The following KCNMB2 variants were observed in gnomAD, a reference collection of about 807,000 sequenced individuals.
KCNMB2 encodes calcium-activated potassium channel subunit beta-2.
KCNMB2 carries 9 observed loss-of-function variants against 24.5 expected under a neutral mutation model. The ratio of observed to expected loss-of-function variants is 0.37; its 90% CI spans 0.22 to 0.64. KCNMB2 has a LOEUF of 0.64. KCNMB2 is among the 30% of genes least tolerant of loss of function. The pLI, the probability that KCNMB2 is intolerant of heterozygous loss-of-function variation, is 0.63. For synonymous variants in KCNMB2, 109 were observed against 104.4 expected, an observed-to-expected ratio of 1.04 and a Z score of -0.27; for missense variants, 226 against 284.3, an observed-to-expected ratio of 0.79 and a Z score of 1.47.
chr3:178,585,348 A>G (rs1717389291), intron 1 of KCNMB2, among the ~76,000 whole-genome samples: 2 of 152,186 alleles, frequency 1.3e-5, no homozygotes, highest in Admixed American at 6.5e-5. Context: ...TTGTGTTCCT[A>G]CAGAGCCAAT....
chr3:178,700,437 A>T (rs1459365958), intron 1 of KCNMB2, among the ~76,000 whole-genome samples: 1 of 152,228 alleles, frequency 6.6e-6, no homozygotes. Context: ...CTTACCAGGG[A>T]GGTAAATTAA....
chr3:178,598,816 T>C (rs1429697831), intron 1 of KCNMB2, among the ~76,000 whole-genome samples: 1 of 152,128 alleles, frequency 6.6e-6, no homozygotes, highest in Non-Finnish European at 1.5e-5. Flanking sequence ...ATGTGTCATA[T>C]TAAGAGGTGT....
In KCNMB2 at chr3:178,627,313, T is replaced by C. The variant is rs1412949067; in HGVS notation, c.-68+90602T>C. Among the ~76,000 whole-genome samples the C allele has an allele frequency of 4.6e-5, 7 of 152,198 alleles. No individual in the cohort carries two copies. The East Asian group carries it at 1.2e-3, about 25-fold the overall frequency. On this transcript the variant is annotated intron_variant, in intron 1 of 4. Transcript: ENST00000452583. ...AAGACTAATTTATACTGTTATTCCA[T>C]AATTTTGCCTTTGAAACAAGAATTT...
chr3:178,806,782 G>C (rs1713989091), intron 1 of KCNMB2, among the ~76,000 whole-genome samples: 1 of 152,006 alleles, frequency 6.6e-6, no homozygotes, highest in South Asian at 2.1e-4. Context: ...AGAAGCCAGT[G>C]AGTATCAGCT....
Position 178,807,350 on chromosome 3 carries a change from TGCCA to T in KCNMB2, c.-59_-56del. ...ATTGTGTACCTCTTCTAGGTCTTTT[TGCCA>T]TTCCTCCAGGACATCCACCATAAGG... On this transcript the variant is annotated 5_prime_UTR_variant, in exon 2 of 5. Coordinates refer to ENST00000452583, the MANE Select transcript of KCNMB2 (RefSeq NM_181361.3). 1.4e-6 allele frequency: 2 copies of T among 1,430,352 alleles called. No homozygotes were observed. The highest frequency in any genetic ancestry group is 1.4e-5 in the African/African-American group (1 of 71,016). The allele number at this position is 1,430,352 out of a possible 1,614,324, so 88.6% of individuals were successfully genotyped here. A position where few individuals can be genotyped will look rare whatever the true frequency, so the allele number is the denominator to read the frequency against.
In KCNMB2 at chr3:178,602,920, G is replaced by A. The variant is rs141037316; in HGVS notation, c.-68+66209G>A. ...GGACCACATACTGAGAACCACTAAT[G>A]TAGAGAATATATTGGAGTTAGAGAT... On this transcript the variant is annotated intron_variant, in intron 1 of 4. Transcript: ENST00000452583. 5.9e-5 allele frequency among the ~76,000 whole-genome samples: 9 copies of A among 152,276 alleles called. No homozygotes were observed. The East Asian group carries it at 1.5e-3, about 26-fold the overall frequency.
At chr3:178,792,689 T>A (rs1197599523) in intron 1 of KCNMB2, among the ~76,000 whole-genome samples, 1 of 152,136 alleles carries the variant, frequency 6.6e-6, no homozygotes, top group African/African-American at 2.4e-5. Context: ...ACTTCACCTA[T>A]ATATACACAT....
chr3:178,546,719 A>C (rs1715786347), intron 1 of KCNMB2, among the ~76,000 whole-genome samples: 1 of 152,252 alleles, frequency 6.6e-6, no homozygotes, highest in Non-Finnish European at 1.5e-5. Context: ...TACAGGTCAC[A>C]CGAATGAGTT....
intron 4 of KCNMB2, among the ~76,000 whole-genome samples, chr3:178,830,937 A>C (rs1192406705): frequency 6.6e-6 from 1 of 152,126 alleles, no homozygotes; most frequent in Non-Finnish European, 1.5e-5. Context: ...GATTTTGTCA[A>C]TCTTTTTCTT....
intron 1 of KCNMB2, among the ~76,000 whole-genome samples, chr3:178,540,392 C>T (rs1034540002): frequency 1.3e-5 from 2 of 152,184 alleles, no homozygotes; most frequent in Non-Finnish European, 2.9e-5. Context: ...ATTCTCTACC[C>T]AACACTGGTG....
chr3:178,715,016 C>T (rs1722573839), intron 1 of KCNMB2, among the ~76,000 whole-genome samples: 1 of 152,144 alleles, frequency 6.6e-6, no homozygotes, highest in South Asian at 2.1e-4. Context: ...AATATCTGAC[C>T]ACTTTGTTTA....
In KCNMB2 at chr3:178,698,696, AT is replaced by A. The variant is rs567341506; in HGVS notation, c.-67-108641del. ...GTTTGGATGAAAGAAAGCACTCTGCATTTTTTAGTTTTCAGACTTCTTGTGC... is the reference window on the plus strand; with the variant it reads ...GTTTGGATGAAAGAAAGCACTCTGCATTTTTAGTTTTCAGACTTCTTGTGC... On this transcript the variant is annotated intron_variant, in intron 1 of 4. Transcript: ENST00000452583. 2.2e-4 allele frequency among the ~76,000 whole-genome samples: 34 copies of A among 152,314 alleles called. No individual in the cohort carries two copies. The East Asian group carries it at 6.4e-3, about 29-fold the overall frequency.
chr3:178,611,497 G>T (rs1296306296), intron 1 of KCNMB2, among the ~76,000 whole-genome samples: 4 of 152,154 alleles, frequency 2.6e-5, no homozygotes, highest in Non-Finnish European at 5.9e-5. Flanking sequence ...AAGGTCAGGA[G>T]ATCAAGACCA....
intron 1 of KCNMB2, among the ~76,000 whole-genome samples, chr3:178,691,235 A>G (rs1198267821): frequency 1.4e-5 from 2 of 147,884 alleles, no homozygotes; most frequent in Admixed American, 6.8e-5. Flanking sequence ...GGTGTGAGCC[A>G]CACCTGGCTT....
chr3:178,713,032 C>T (rs1401628403), intron 1 of KCNMB2, among the ~76,000 whole-genome samples: 1 of 152,188 alleles, frequency 6.6e-6, no homozygotes, highest in African/African-American at 2.4e-5. Flanking sequence ...GCTACATATA[C>T]ATACACATTT....
In KCNMB2 at chr3:178,842,902, C is replaced by A; in HGVS notation, c.673C>A (p.Leu225Ile). 3 of 1,613,752 alleles carry A rather than the reference C, an allele frequency of 1.9e-6. No homozygotes were observed. The highest frequency in any genetic ancestry group is 2.5e-6 in the Non-Finnish European group (3 of 1,179,776). The change falls in exon 5 of 5, where the codon CTA becomes ATA. Residue 225 changes from leucine to isoleucine, a missense_variant. Leu to Ile is a conservative substitution (Grantham distance 5). Coordinates refer to ENST00000452583, the MANE Select transcript of KCNMB2 (RefSeq NM_181361.3). Reference protein sequence around the residue: ...AMVKLTQYLSLLCERIQRINR With the variant: ...AMVKLTQYLSILCERIQRINR Reference sequence around the variant, plus strand: ...GGTGAAACTTACACAGTACCTCTCCCTACTATGTGAGAGGATCCAACGGAT... The same window carrying A: ...GGTGAAACTTACACAGTACCTCTCCATACTATGTGAGAGGATCCAACGGAT...
intron 1 of KCNMB2, among the ~76,000 whole-genome samples, chr3:178,571,407 G>T (rs1716775106): frequency 7.1e-6 from 1 of 139,978 alleles, no homozygotes. Flanking sequence ...AGGAATATTT[G>T]TAGGTAAGGC....
chr3:178,537,722 A>C lies in KCNMB2; in HGVS notation c.-68+1011A>C, dbSNP rs556749598. 1.4e-4 allele frequency among the ~76,000 whole-genome samples: 21 copies of C among 152,300 alleles called. No individual in the cohort carries two copies. The South Asian group carries it at 3.9e-3, about 29-fold the overall frequency. ...TATGGTGCAAATTTCAGTCTTTGTC[A>C]TTGCATATGACCCTCAATGTGAAGT... On this transcript the variant is annotated intron_variant, in intron 1 of 4. Coordinates refer to ENST00000452583, the MANE Select transcript of KCNMB2 (RefSeq NM_181361.3).
intron 2 of KCNMB2, among the ~76,000 whole-genome samples, chr3:178,816,100 A>G (rs959722883): frequency 1.7e-4 from 26 of 151,924 alleles, no homozygotes; most frequent in African/African-American, 6.3e-4. Context: ...CAGTTTAGCT[A>G]TAAATCATCA....
Sources: allele counts gnomAD v4.1 joint callset (sites outside exome capture counted in the v4.1 genomes callset), GRCh38; gene constraint gnomAD v4.1.1; transcripts MANE v1.5; gene names NCBI Gene and HGNC (gene_info 2026-07-23, HGNC 2026-07-21).